JARID2: variants seen among roughly 807,000 people sequenced by gnomAD.
JARID2 encodes the protein jumonji and AT-rich interaction domain containing 2.
JARID2 carries 21 observed loss-of-function variants against 125.6 expected under a neutral mutation model. The ratio of observed to expected loss-of-function variants is 0.17; its 90% CI spans 0.12 to 0.24. The LOEUF is 0.24. Among genes scored for constraint, JARID2 ranks in the 10% least tolerant of loss-of-function variants. JARID2 has a pLI of 1.00. For missense variants in JARID2, 1,303 were observed against 1,639.6 expected (o/e 0.79, Z 3.55); for synonymous variants, 736 against 661.6 (o/e 1.11, Z -1.73).
intron 2 of JARID2, among the ~76,000 whole-genome samples, chr6:15,395,647 A>G (rs1174517778): frequency 2.6e-5 from 4 of 151,732 alleles, no homozygotes; most frequent in Non-Finnish European, 5.9e-5. Context: ...TAATCTGCCC[A>G]CATCGGCCTC....
intron 1 of JARID2, chr6:15,248,510 C>G (rs1025831377): frequency 1.4e-5 from 2 of 147,804 alleles, no homozygotes; most frequent in African/African-American, 4.9e-5. Flanking sequence ...CGCCCCCCAC[C>G]GCGCACACGG....
chr6:15,366,883 C>T (rs1411774746), intron 1 of JARID2, among the ~76,000 whole-genome samples: 1 of 152,096 alleles, frequency 6.6e-6, no homozygotes, highest in Admixed American at 6.5e-5. Flanking sequence ...GTGTGTCACA[C>T]TTACAATCCT....
At chr6:15,386,300 A>C (rs140815997) in intron 2 of JARID2, among the ~76,000 whole-genome samples, 2 of 127,380 alleles carry the variant, frequency 1.6e-5, no homozygotes, top group Admixed American at 9.7e-5. Flanking sequence ...CCCTCTCTCT[A>C]CTTCTGTGTG....
intron 2 of JARID2, among the ~76,000 whole-genome samples, chr6:15,404,319 A>T (rs1198885589): frequency 2.0e-5 from 3 of 152,200 alleles, no homozygotes; most frequent in Non-Finnish European, 2.9e-5. Context: ...AAGCAGGCCC[A>T]AAGCCAAATC....
At chr6:15,341,756 G>C (rs1763077068) in intron 1 of JARID2, among the ~76,000 whole-genome samples, 1 of 152,168 alleles carries the variant, frequency 6.6e-6, no homozygotes, top group Non-Finnish European at 1.5e-5. Flanking sequence ...CCGCTTAAGG[G>C]CAAGATGACA....
At chr6:15,379,662 G>A (rs1052250386) in intron 2 of JARID2, among the ~76,000 whole-genome samples, 2 of 152,172 alleles carry the variant, frequency 1.3e-5, no homozygotes, top group African/African-American at 4.8e-5. Flanking sequence ...AGTTGTGATG[G>A]CTAGCCTACC....
At chr6:15,484,863 A>T (rs1769792267) in intron 5 of JARID2, among the ~76,000 whole-genome samples, 1 of 152,186 alleles carries the variant, frequency 6.6e-6, no homozygotes, top group Non-Finnish European at 1.5e-5. Flanking sequence ...ATTAAAAAAA[A>T]AGCAACTACT....
chr6:15,329,719 G>A (rs1762645616), intron 1 of JARID2, among the ~76,000 whole-genome samples: 1 of 152,148 alleles, frequency 6.6e-6, no homozygotes, highest in Non-Finnish European at 1.5e-5. Context: ...GAATCTTTGG[G>A]TTTTAAAATG....
At chr6:15,490,297 G>A (rs994873315) in intron 6 of JARID2, among the ~76,000 whole-genome samples, 2 of 152,044 alleles carry the variant, frequency 1.3e-5, no homozygotes, top group African/African-American at 4.8e-5. Flanking sequence ...AAGCATAAAT[G>A]TGACTGTATT....
intron 1 of JARID2, among the ~76,000 whole-genome samples, chr6:15,282,277 T>TC (rs1242686568): frequency 6.7e-6 from 1 of 148,446 alleles, no homozygotes; most frequent in Non-Finnish European, 1.5e-5. Context: ...ATTTTTTCCT[T>TC]CCGAAAACCT....
chr6:15,512,872 A>C (rs1771345704), intron 14 of JARID2, 43 bp from the exon 15 acceptor site: 1 of 1,594,442 alleles, frequency 6.3e-7, no homozygotes, highest in Non-Finnish European at 8.6e-7. Flanking sequence ...ACAGCTGCCT[A>C]GTAATGAAAA....
intron 2 of JARID2, among the ~76,000 whole-genome samples, chr6:15,377,828 G>A (rs1221217044): frequency 1.6e-5 from 2 of 123,542 alleles, no homozygotes; most frequent in Non-Finnish European, 3.5e-5. Flanking sequence ...CACCTGTCCC[G>A]AGCCAGGATG....
rs779387861 is a variant in JARID2 at position 15,497,204 on chromosome 6, T to C, written c.1945+34T>C. On this transcript the variant is annotated intron_variant, in intron 7 of 17. Transcript: ENST00000341776. ...GGGCGGGGGGTCAGGGGGTGGTGCCTGCCCTCCTGCCCCCAGATCCCTGCA... is the reference window on the plus strand; with the variant it reads ...GGGCGGGGGGTCAGGGGGTGGTGCCCGCCCTCCTGCCCCCAGATCCCTGCA... The C allele has an allele frequency of 6.2e-6, 9 of 1,443,166 alleles. No homozygotes were observed. The South Asian group carries it at 8.0e-5, about 13-fold the overall frequency. 89.4% of individuals were successfully genotyped at this position (1,443,166 alleles called of 1,614,324 possible). A position where few individuals can be genotyped will look rare whatever the true frequency, so the allele number is the denominator to read the frequency against.
chr6:15,263,945 T>C (rs1230273591), intron 1 of JARID2, among the ~76,000 whole-genome samples: 1 of 152,114 alleles, frequency 6.6e-6, no homozygotes, highest in East Asian at 1.9e-4. Context: ...CAAACTGGAG[T>C]GCCGTGACGT....
At position 15,520,682 on chromosome 6, in the gene JARID2, C is replaced by G. The variant is rs1026851798; in HGVS notation, c.*431C>G. The G allele has an allele frequency of 2.7e-5, 8 of 291,636 alleles. 1 individual carries two copies. Among genetic ancestry groups the G allele is most frequent in the African/African-American group, 2.4e-4 (8 of 32,760 alleles). The allele number at this position is 291,636 out of a possible 1,614,324, so 18.1% of individuals were successfully genotyped here. A position where few individuals can be genotyped will look rare whatever the true frequency, so the allele number is the denominator to read the frequency against. Reference sequence around the variant, plus strand: ...CAGATTTTTTAGAAGGGATAGGAGACACACGCGCACACACACACACACACG... The same window carrying G: ...CAGATTTTTTAGAAGGGATAGGAGAGACACGCGCACACACACACACACACG... On this transcript the variant is annotated 3_prime_UTR_variant, in exon 18 of 18. Transcript: ENST00000341776.
At chr6:15,266,243 C>T (rs537589035) in intron 1 of JARID2, among the ~76,000 whole-genome samples, 21 of 152,060 alleles carry the variant, frequency 1.4e-4, no homozygotes, top group Non-Finnish European at 2.4e-4. Context: ...CTTGTATGGC[C>T]CCTCTTTTAA....
intron 1 of JARID2, among the ~76,000 whole-genome samples, chr6:15,257,499 A>G (rs1457007795): frequency 3.9e-5 from 6 of 152,216 alleles, no homozygotes; most frequent in African/African-American, 1.4e-4. Context: ...GTTGGTTGAT[A>G]GTTACCACTA....
intron 1 of JARID2, among the ~76,000 whole-genome samples, chr6:15,261,914 G>A (rs1759895202): frequency 1.3e-5 from 2 of 151,536 alleles, no homozygotes; most frequent in Non-Finnish European, 2.9e-5. Flanking sequence ...CCAAGTAGCT[G>A]GGACTACAGG....
chr6:15,294,020 C>T (rs1761318774), intron 1 of JARID2, among the ~76,000 whole-genome samples: 1 of 152,216 alleles, frequency 6.6e-6, no homozygotes, highest in African/African-American at 2.4e-5. Flanking sequence ...TCCTTTGTGA[C>T]TCCTATGCCA....
Sources: gnomAD v4.1 joint callset for allele counts (sites outside exome capture counted in the v4.1 genomes callset) on GRCh38, gnomAD v4.1.1 for gene constraint, MANE v1.5 for transcripts, NCBI Gene and HGNC (gene_info 2026-07-23, HGNC 2026-07-21) for gene names.